The following GRIP1 variants were observed in gnomAD, a reference collection of about 807,000 sequenced individuals.
GRIP1 encodes the protein glutamate receptor-interacting protein 1.
Under a neutral mutation model 129.9 loss-of-function variants are expected in GRIP1, and 45 were observed. The ratio of observed to expected loss-of-function variants is 0.35; its 90% CI spans 0.27 to 0.44. The LOEUF is 0.44. Ranked by LOEUF, GRIP1 falls within the 20% of genes least tolerant of loss-of-function variation. The probability of loss-of-function intolerance (pLI) is 1.00; values close to 1 mark genes in which losing one functional copy is unlikely to be tolerated. For synonymous variants in GRIP1, 530 were observed against 520.8 expected (o/e 1.02, Z -0.24); for missense variants, 1,196 against 1,396.8 (o/e 0.86, Z 2.29).
chr12:66,959,674 A>C (rs1380462364), intron 1 of GRIP1, among the ~76,000 whole-genome samples: 1 of 152,208 alleles, frequency 6.6e-6, no homozygotes, highest in East Asian at 1.9e-4. Context: ...ATATCATTTT[A>C]AAAAGCAGCT....
intron 13 of GRIP1, among the ~76,000 whole-genome samples, chr12:66,436,318 G>A (rs984291443): frequency 1.2e-4 from 18 of 152,062 alleles, no homozygotes. Context: ...TGCAGAGAAA[G>A]GCACTGGGGG....
At chr12:66,963,806 A>G (rs1183054354) in intron 1 of GRIP1, among the ~76,000 whole-genome samples, 1 of 152,158 alleles carries the variant, frequency 6.6e-6, no homozygotes, top group Non-Finnish European at 1.5e-5. Flanking sequence ...CCAAGTAGAC[A>G]TCTTGATTTG....
intron 1 of GRIP1, among the ~76,000 whole-genome samples, chr12:66,868,862 C>T (rs2040248008): frequency 6.6e-6 from 1 of 152,040 alleles, no homozygotes; most frequent in Non-Finnish European, 1.5e-5. Flanking sequence ...TAGGATAAAA[C>T]AGCGAAACAT....
At chr12:66,509,874 C>T (rs1049405511) in intron 7 of GRIP1, among the ~76,000 whole-genome samples, 4 of 151,868 alleles carry the variant, frequency 2.6e-5, no homozygotes, top group Middle Eastern at 3.4e-3. Flanking sequence ...TGGGTTGATC[C>T]GTGCAGCAAA....
chr12:66,815,472 TG>T (rs2039189266), intron 1 of GRIP1, among the ~76,000 whole-genome samples: 1 of 151,976 alleles, frequency 6.6e-6, no homozygotes. Flanking sequence ...TTAGTAAGAG[TG>T]GCTTACACTG....
At chr12:66,925,479 T>C (rs894458484) in intron 1 of GRIP1, among the ~76,000 whole-genome samples, 2 of 152,174 alleles carry the variant, frequency 1.3e-5, no homozygotes, top group African/African-American at 2.4e-5. Context: ...TGAAGTCATG[T>C]AGAGGGATGC....
chr12:66,927,204 A>C (rs2041311401), intron 1 of GRIP1, among the ~76,000 whole-genome samples: 1 of 152,194 alleles, frequency 6.6e-6, no homozygotes, highest in Admixed American at 6.5e-5. Context: ...CAAGCCTGTG[A>C]GCTACTGTTA....
At chr12:66,799,017 A>T (rs2038782046) in intron 1 of GRIP1, among the ~76,000 whole-genome samples, 1 of 152,146 alleles carries the variant, frequency 6.6e-6, no homozygotes, top group South Asian at 2.1e-4. Flanking sequence ...GAAGGACCAG[A>T]CCCAATAAGG....
At chr12:66,432,794 G>C (rs1311480799) in intron 13 of GRIP1, among the ~76,000 whole-genome samples, 166 bp from the exon 14 acceptor site, 5 of 152,118 alleles carry the variant, frequency 3.3e-5, no homozygotes, top group African/African-American at 1.2e-4. Context: ...AGCTCCTGGT[G>C]ATGAATACAC....
chr12:66,749,988 G>C, intron 1 of GRIP1, among the ~76,000 whole-genome samples: 1 of 152,180 alleles, frequency 6.6e-6, no homozygotes, highest in East Asian at 1.9e-4. Flanking sequence ...AGTACCACTT[G>C]AGGTAATCTG....
chr12:66,815,343 T>C (rs11176433), intron 1 of GRIP1, among the ~76,000 whole-genome samples: 76,572 of 151,812 alleles, frequency 0.5, 19,374 homozygotes, highest in Middle Eastern at 0.52. Flanking sequence ...ACTCCATTTT[T>C]CAGAAAACTC....
intron 5 of GRIP1, among the ~76,000 whole-genome samples, chr12:66,529,269 T>A (rs371481848): frequency 6.6e-6 from 1 of 152,202 alleles, no homozygotes; most frequent in Non-Finnish European, 1.5e-5. Context: ...TATCATTTGA[T>A]CCAGCAATTC....
intron 1 of GRIP1, among the ~76,000 whole-genome samples, chr12:66,768,556 G>A (rs764451083): frequency 1.3e-5 from 2 of 152,138 alleles, no homozygotes; most frequent in Non-Finnish European, 2.9e-5. Flanking sequence ...AAGGAGTGAA[G>A]GCAGGAACAA....
chr12:66,471,030 T>C (rs2059425105), intron 7 of GRIP1, among the ~76,000 whole-genome samples: 1 of 152,176 alleles, frequency 6.6e-6, no homozygotes, highest in Non-Finnish European at 1.5e-5. Context: ...TCTGATCGAC[T>C]GCCATGATTC....
chr12:66,524,843 G>T (rs2061164021), intron 5 of GRIP1, among the ~76,000 whole-genome samples: 1 of 152,044 alleles, frequency 6.6e-6, no homozygotes, highest in Non-Finnish European at 1.5e-5. Context: ...AATGATAAAG[G>T]GGATATCACC....
chr12:66,693,660 C>T (rs2035055151), intron 1 of GRIP1, among the ~76,000 whole-genome samples: 1 of 152,122 alleles, frequency 6.6e-6, no homozygotes, highest in East Asian at 1.9e-4. Flanking sequence ...TTTATATGCT[C>T]ACATGACAAC....
At chr12:66,781,694 C>A (rs1182828531) in intron 1 of GRIP1, among the ~76,000 whole-genome samples, 1 of 152,104 alleles carries the variant, frequency 6.6e-6, no homozygotes, top group Non-Finnish European at 1.5e-5. Flanking sequence ...CTGTCCAAGG[C>A]AAACTGAAGT....
intron 1 of GRIP1, among the ~76,000 whole-genome samples, chr12:66,675,560 C>T (rs756939466): frequency 3.3e-5 from 5 of 152,118 alleles, no homozygotes; most frequent in Non-Finnish European, 7.4e-5. Flanking sequence ...TATGGTAGCC[C>T]CTAGCTGAGA....
intron 1 of GRIP1, among the ~76,000 whole-genome samples, chr12:66,813,482 T>C (rs1451154614): frequency 6.6e-6 from 1 of 152,072 alleles, no homozygotes; most frequent in Admixed American, 6.5e-5. Context: ...AAATACATCA[T>C]CAAAGTAATT....
Sources: gnomAD v4.1 joint callset for allele counts (sites outside exome capture counted in the v4.1 genomes callset) on GRCh38, gnomAD v4.1.1 for gene constraint, MANE v1.5 for transcripts, NCBI Gene and HGNC (gene_info 2026-07-23, HGNC 2026-07-21) for gene names.